ZDHHC11: variants seen among roughly 807,000 people sequenced by gnomAD.
ZDHHC11 encodes zDHHC palmitoyltransferase 11, also known as palmitoyltransferase ZDHHC11.
In ZDHHC11, 44 loss-of-function variants were observed where a neutral mutation model predicts 51.3. The ratio of observed to expected loss-of-function variants is 0.86; its 90% confidence interval spans 0.67 to 1.10. The LOEUF (loss-of-function observed/expected upper bound fraction) is 1.10. Ranked by LOEUF, ZDHHC11 falls within the 50% of genes least tolerant of loss-of-function variation. The pLI, the probability that ZDHHC11 is intolerant of heterozygous loss-of-function variation, is 0.00. For missense variants in ZDHHC11, 400 were observed against 537.7 expected (o/e 0.74, Z 2.53); for synonymous variants, 163 against 222.0 (o/e 0.73, Z 2.36).
chr5:801,216 T>C (rs1461915276), intron 11 of ZDHHC11, 52 bp from the exon 12 acceptor site: 2 of 1,601,524 alleles, frequency 1.2e-6, no homozygotes, highest in African/African-American at 1.3e-5. Flanking sequence ...GATGTAATAC[T>C]TGTTATAATG....
In ZDHHC11 at chr5:814,799, T is replaced by G. The variant is rs371251419; in HGVS notation, c.1147-4A>C. On this transcript the variant is annotated splice_region_variant and splice_polypyrimidine_tract_variant and intron_variant, in intron 10 of 12. Transcript: ENST00000283441. Reference sequence around the variant, plus strand: ...TACTCGGGGCATCATCTGCTTCCTGTGGGGGGAAGGGATGCAAAATTCATA... The same window carrying G: ...TACTCGGGGCATCATCTGCTTCCTGGGGGGGGAAGGGATGCAAAATTCATA... 6.5e-7 allele frequency: 1 copy of G among 1,536,436 alleles called. No homozygotes were observed. The highest frequency in any genetic ancestry group is 2.1e-5 in the Admixed American group (1 of 46,964).
chr5:808,899 C>T lies in ZDHHC11; in HGVS notation c.1181+5862G>A, dbSNP rs1315219391. ...ATTTTTAGTAGAGACAGGGTTTCACCGTGTTAGCCAGGACAGTCTTGATCT... is the reference window on the plus strand; with the variant it reads ...ATTTTTAGTAGAGACAGGGTTTCACTGTGTTAGCCAGGACAGTCTTGATCT... On this transcript the variant is annotated intron_variant, in intron 11 of 12. Coordinates refer to ENST00000283441, the MANE Select transcript of ZDHHC11 (RefSeq NM_024786.3). Among the ~76,000 whole-genome samples, 27 of 147,990 alleles carry T rather than the reference C, an allele frequency of 1.8e-4. No individual in the cohort carries two copies. In the South Asian group the frequency reaches 5.2e-3, roughly 29 times the overall value.
intron 4 of ZDHHC11, chr5:842,635 T>A (rs1175066331): frequency 6.1e-6 from 6 of 985,582 alleles, no homozygotes; most frequent in African/African-American, 1.7e-5. Flanking sequence ...CCCGAGGGGC[T>A]TCTCTGGCCC....
At chr5:844,280 G>A (rs1385045474) in intron 3 of ZDHHC11, among the ~76,000 whole-genome samples, 1 of 152,298 alleles carries the variant, frequency 6.6e-6, no homozygotes, top group African/African-American at 2.4e-5. Context: ...CGACAATTCA[G>A]GCAGCGCTTC....
At chr5:815,734 C>T (rs1162668030) in intron 10 of ZDHHC11, among the ~76,000 whole-genome samples, 1 of 151,514 alleles carries the variant, frequency 6.6e-6, no homozygotes, top group Non-Finnish European at 1.5e-5. Context: ...ATGGATGAGA[C>T]TTCCAATTCT....
intron 11 of ZDHHC11, among the ~76,000 whole-genome samples, chr5:807,965 C>T (rs1334978278): frequency 6.6e-6 from 1 of 151,088 alleles, no homozygotes; most frequent in Non-Finnish European, 1.5e-5. Context: ...ACTGAGCCTG[C>T]AGCTAAGAGA....
At chr5:841,783 AGGCAAGGCAGAATGGCAGAGGGTGG>A (rs1394964292) in intron 4 of ZDHHC11, 7 of 995,806 alleles carry the variant, frequency 7.0e-6, no homozygotes, top group African/African-American at 5.2e-5. Context: ...GCAGAGGGCC[AGGCAAGGCAGAATGGCAGAGGGTGG>A]GGCAAGGCAG....
rs1579637787 is a variant in ZDHHC11, at chr5:823,688, C to T, written c.1023+1476G>A. 4 of 187,992 alleles carry T rather than the reference C, an allele frequency of 2.1e-5. 1 individual carries two copies. Among genetic ancestry groups the T allele is most frequent in the Admixed American group, 5.6e-5 (1 of 17,970 alleles). The allele number at this position is 187,992 out of a possible 1,614,324, so 11.6% of individuals were successfully genotyped here. Reference sequence around the variant, plus strand: ...GATTGTCCTGGAGCCCACGGAGACGCGGGCTTGGGATTCAACATGATGCTG... The same window carrying T: ...GATTGTCCTGGAGCCCACGGAGACGTGGGCTTGGGATTCAACATGATGCTG... On this transcript the variant is annotated intron_variant, in intron 8 of 12. Coordinates refer to ENST00000283441, the MANE Select transcript of ZDHHC11 (RefSeq NM_024786.3).
intron 11 of ZDHHC11, among the ~76,000 whole-genome samples, chr5:807,500 G>A (rs1315342568): frequency 1.3e-5 from 2 of 151,564 alleles, no homozygotes; most frequent in African/African-American, 4.8e-5. Flanking sequence ...CGGAGTCAAT[G>A]AAGGAAGCAG....
Position 801,315 on chromosome 5 carries a change from C to A in ZDHHC11, c.1182-151G>T, listed in dbSNP as rs543031393. 22 of 1,015,488 alleles carry A rather than the reference C, an allele frequency of 2.2e-5. 1 individual carries two copies. The South Asian group carries it at 3.3e-4, about 15-fold the overall frequency. The allele number at this position is 1,015,488 out of a possible 1,614,324, so 62.9% of individuals were successfully genotyped here. A position where few individuals can be genotyped will look rare whatever the true frequency, so the allele number is the denominator to read the frequency against. On this transcript the variant is annotated intron_variant, in intron 11 of 12. Coordinates refer to ENST00000283441, the MANE Select transcript of ZDHHC11 (RefSeq NM_024786.3). ...CACTTCACCTCTCTGAGTTTCAGAG[C>A]CTTCATTTTTGTGAAAACAGTAACA...
chr5:855,330 A>G (rs1169761852), upstream of ZDHHC11, among the ~76,000 whole-genome samples: 19 of 138,960 alleles, frequency 1.4e-4, no homozygotes, highest in African/African-American at 3.8e-4. Flanking sequence ...CAGACCCCAC[A>G]GAGGACAGCG....
chr5:858,124 C>T (rs1748525798), intron 1 of ZDHHC11, among the ~76,000 whole-genome samples: 1 of 146,468 alleles, frequency 6.8e-6, no homozygotes, highest in South Asian at 2.2e-4. Context: ...CCCGTCCTAT[C>T]TTTATGACAC....
intron 5 of ZDHHC11, among the ~76,000 whole-genome samples, chr5:837,910 T>G (rs1314419382): frequency 6.6e-6 from 1 of 151,904 alleles, no homozygotes; most frequent in Non-Finnish European, 1.5e-5. Context: ...AGGGTCCAGA[T>G]GGCCTGTGGG....
intron 3 of ZDHHC11, among the ~76,000 whole-genome samples, chr5:845,561 TC>T (rs1746010333): frequency 6.6e-6 from 1 of 152,154 alleles, no homozygotes; most frequent in Non-Finnish European, 1.5e-5. Context: ...CCGCCTGCCT[TC>T]TTTCCGTCCC....
At chr5:805,060 C>A (rs1394414966) in intron 11 of ZDHHC11, among the ~76,000 whole-genome samples, 1 of 151,216 alleles carries the variant, frequency 6.6e-6, no homozygotes, top group African/African-American at 2.4e-5. Flanking sequence ...AATGGGTGCA[C>A]ACTGTATAAA....
chr5:801,634 C>G (rs1738435501), intron 11 of ZDHHC11, among the ~76,000 whole-genome samples: 1 of 151,312 alleles, frequency 6.6e-6, no homozygotes. Flanking sequence ...TGATGTTACA[C>G]TACCCCAGCC....
At chr5:843,476 A>C (rs370121155) in intron 4 of ZDHHC11, 124 bp downstream of exon 4, 117,145 of 1,441,944 alleles carry the variant, frequency 0.081, 1,147 homozygotes, top group East Asian at 0.17. Context: ...CAGAGCCTGC[A>C]TGGGGCTGCC....
At position 837,392 on chromosome 5, in the gene ZDHHC11, G is replaced by C. The variant is rs141928810; in HGVS notation, c.873C>G (p.Tyr291Ter). ...GGAGAACTCCTTTGTCCATTTGCAC[G>C]TATGGATCTTTCCTCACTGCTTGAT... Reference protein sequence around the residue: ...SKHQAVRKDPYVQMDKGVLQQ... With the variant: ...SKHQAVRKDP The change falls in exon 6 of 13, where the codon TAC becomes TAG. Residue 291 changes from tyrosine (Y) to a stop codon, truncating the protein, a stop_gained. Transcript: ENST00000283441. LOFTEE classifies it high-confidence loss of function. 177 of 1,613,554 alleles carry C rather than the reference G, an allele frequency of 1.1e-4. No individual in the cohort carries two copies. The highest frequency in any genetic ancestry group is 1.5e-4 in the Non-Finnish European group (174 of 1,179,702).
At chr5:816,444 G>T (rs1740812191) in intron 10 of ZDHHC11, 1 of 463,336 alleles carries the variant, frequency 2.2e-6, no homozygotes, top group Non-Finnish European at 4.3e-6. Flanking sequence ...GGCCGTAGCG[G>T]CATGTGGATA....
Sources: gnomAD v4.1 joint callset for allele counts (sites outside exome capture counted in the v4.1 genomes callset) on GRCh38, gnomAD v4.1.1 for gene constraint, MANE v1.5 for transcripts, NCBI Gene and HGNC (gene_info 2026-07-23, HGNC 2026-07-21) for gene names.